ARHGAP22: variants seen among roughly 807,000 people sequenced by gnomAD.
ARHGAP22 encodes the protein Rho GTPase activating protein 22, also known as rho GTPase-activating protein 22.
ARHGAP22 carries 48 observed loss-of-function variants against 59.1 expected under a neutral mutation model. The observed-to-expected ratio is 0.81, with a 90% CI of 0.64 to 1.03. ARHGAP22 has a LOEUF of 1.03. ARHGAP22 is among the 50% of genes least tolerant of loss of function. ARHGAP22 has a pLI of 0.00. For synonymous variants in ARHGAP22, 445 were observed against 416.4 expected (o/e 1.07, Z -0.84); for missense variants, 1,015 against 958.7 (o/e 1.06, Z -0.78).
Position 48,453,193 on chromosome 10 carries a change from C to T in ARHGAP22, c.988+111G>A, listed in dbSNP as rs537995651. Reference sequence around the variant, plus strand: ...GATGGAGATGTGCCACCTGAGCCACCCCTCCTGCTGGCCTGGCCCTGGGCT... The same window carrying T: ...GATGGAGATGTGCCACCTGAGCCACTCCTCCTGCTGGCCTGGCCCTGGGCT... On this transcript the variant is annotated intron_variant, in intron 8 of 9. Coordinates refer to ENST00000249601, the MANE Select transcript of ARHGAP22 (RefSeq NM_021226.4). The T allele has an allele frequency of 2.0e-6, 3 of 1,486,000 alleles. No homozygotes were observed. In the South Asian group the frequency reaches 3.6e-5, roughly 18 times the overall value. The allele number at this position is 1,486,000 out of a possible 1,614,324, so 92.1% of individuals were successfully genotyped here. A position where few individuals can be genotyped will look rare whatever the true frequency, so the allele number is the denominator to read the frequency against.
At chr10:48,621,874 A>G (rs1278046905) in intron 1 of ARHGAP22, among the ~76,000 whole-genome samples, 1 of 152,186 alleles carries the variant, frequency 6.6e-6, no homozygotes, top group African/African-American at 2.4e-5. Context: ...TTGAAAGATT[A>G]ATGCTTTTAC....
intron 2 of ARHGAP22, chr10:48,582,582 A>T (rs901139935): frequency 3.5e-6 from 1 of 283,070 alleles, no homozygotes; most frequent in African/African-American, 2.2e-5. Context: ...GTTTGAGGCT[A>T]GATGTGTCTG....
At chr10:48,551,385 G>T (rs2056879758) in intron 3 of ARHGAP22, among the ~76,000 whole-genome samples, 1 of 152,222 alleles carries the variant, frequency 6.6e-6, no homozygotes, top group Admixed American at 6.5e-5. Flanking sequence ...TGCTCCTCTT[G>T]AGAACTGGAT....
chr10:48,503,855 T>A (rs1036701978), intron 3 of ARHGAP22, among the ~76,000 whole-genome samples: 1 of 152,250 alleles, frequency 6.6e-6, no homozygotes, highest in Non-Finnish European at 1.5e-5. Context: ...ATTTGCTAAA[T>A]GAGTAACTCC....
At chr10:48,560,718 T>C (rs1433037663) in intron 2 of ARHGAP22, among the ~76,000 whole-genome samples, 1 of 152,184 alleles carries the variant, frequency 6.6e-6, no homozygotes, top group Non-Finnish European at 1.5e-5. Flanking sequence ...GGAAGCAATA[T>C]TGAATGCTGT....
intron 3 of ARHGAP22, among the ~76,000 whole-genome samples, chr10:48,543,401 GC>G (rs2135148758): frequency 6.6e-6 from 1 of 152,258 alleles, no homozygotes; most frequent in East Asian, 1.9e-4. Context: ...CAGCCTCAGG[GC>G]CCCTGCTTCT....
chr10:48,575,683 C>T (rs1343384693), intron 2 of ARHGAP22: 3 of 152,234 alleles, frequency 2.0e-5, no homozygotes, highest in African/African-American at 7.2e-5. Context: ...AAACATACAA[C>T]AGAAACCTAG....
At chr10:48,478,048 A>G (rs558641944) in intron 4 of ARHGAP22, among the ~76,000 whole-genome samples, 1 of 152,326 alleles carries the variant, frequency 6.6e-6, no homozygotes, top group Non-Finnish European at 1.5e-5. Flanking sequence ...CTCTACCCCA[A>G]GATTATGATA....
intron 4 of ARHGAP22, among the ~76,000 whole-genome samples, chr10:48,460,713 C>A (rs1002377183): frequency 1.5e-5 from 2 of 129,344 alleles, no homozygotes; most frequent in African/African-American, 5.5e-5. Flanking sequence ...AGCTGAAATG[C>A]GGAAGCAAGC....
At chr10:48,575,505 C>G (rs1049806798) in intron 2 of ARHGAP22, 1 of 152,156 alleles carries the variant, frequency 6.6e-6, no homozygotes, top group Non-Finnish European at 1.5e-5. Flanking sequence ...TGGTTTCCGA[C>G]TGTCCAATAT....
At chr10:48,446,669 C>G (rs1317551918) in intron 9 of ARHGAP22, 50 bp from the exon 10 acceptor site, 6 of 1,551,314 alleles carry the variant, frequency 3.9e-6, no homozygotes, top group South Asian at 1.2e-5. Flanking sequence ...GCCAGGTTCA[C>G]TGTCCCATGG....
intron 1 of ARHGAP22, among the ~76,000 whole-genome samples, chr10:48,640,568 G>A (rs777068046): frequency 1.3e-5 from 2 of 152,104 alleles, no homozygotes; most frequent in Non-Finnish European, 1.5e-5. Context: ...GTGGGAGGAC[G>A]TATTCAAAGT....
chr10:48,548,079 C>T (rs2056599864), intron 3 of ARHGAP22, among the ~76,000 whole-genome samples: 1 of 152,196 alleles, frequency 6.6e-6, no homozygotes, highest in African/African-American at 2.4e-5. Flanking sequence ...GTAGCTTAAG[C>T]ACAGATACTG....
At chr10:48,450,077 C>T (rs1464395289) in intron 9 of ARHGAP22, among the ~76,000 whole-genome samples, 184 bp downstream of exon 9, 1 of 152,268 alleles carries the variant, frequency 6.6e-6, no homozygotes, top group Non-Finnish European at 1.5e-5. Context: ...TGACTGCGTG[C>T]CAGACTGACT....
chr10:48,526,934 A>G (rs762855808), intron 3 of ARHGAP22, among the ~76,000 whole-genome samples: 6 of 152,126 alleles, frequency 3.9e-5, no homozygotes, highest in African/African-American at 1.2e-4. Flanking sequence ...CTAATTACAC[A>G]TTGTCTTTTT....
At chr10:48,526,938 T>G (rs1434812774) in intron 3 of ARHGAP22, among the ~76,000 whole-genome samples, 1 of 151,914 alleles carries the variant, frequency 6.6e-6, no homozygotes, top group African/African-American at 2.4e-5. Flanking sequence ...TTACACATTG[T>G]CTTTTTATAG....
intron 1 of ARHGAP22, among the ~76,000 whole-genome samples, chr10:48,619,447 CAA>C (rs1195147845): frequency 7.9e-5 from 12 of 152,060 alleles, no homozygotes; most frequent in African/African-American, 2.9e-4. Context: ...AAAATAAACT[CAA>C]AGTGTTGGAA....
chr10:48,479,585 T>G, intron 4 of ARHGAP22, 51 bp downstream of exon 4: 3 of 1,613,310 alleles, frequency 1.9e-6, no homozygotes, highest in Non-Finnish European at 2.5e-6. Context: ...GGGGCATGAT[T>G]ACCTGGAGGC....
rs140563141 is a variant in ARHGAP22 at position 48,593,379 on chromosome 10, G to A, written c.35-10227C>T. Among the ~76,000 whole-genome samples, 217 of 152,292 alleles carry A rather than the reference G, an allele frequency of 1.4e-3. 1 individual carries two copies. The highest frequency in any genetic ancestry group is 4.9e-3 in the African/African-American group (205 of 41,558). On this transcript the variant is annotated intron_variant, in intron 1 of 9. Coordinates refer to ENST00000249601, the MANE Select transcript of ARHGAP22 (RefSeq NM_021226.4). ...AGGGATATATTCTTAGACCCCCAGT[G>A]GATGTTCCCAGACCCCTGAGGATGC...
Sources: allele counts gnomAD v4.1 joint callset (sites outside exome capture counted in the v4.1 genomes callset), GRCh38; gene constraint gnomAD v4.1.1; transcripts MANE v1.5; gene names NCBI Gene and HGNC (gene_info 2026-07-23, HGNC 2026-07-21).